Variants in AFM observed in about 807,000 individuals in gnomAD.
AFM encodes the protein afamin.
In AFM, 82 loss-of-function variants were observed where a neutral mutation model predicts 68.7. The ratio of observed to expected loss-of-function variants is 1.19; its 90% CI spans 1.00 to 1.43. AFM has a LOEUF of 1.43. Ranked by LOEUF, AFM falls within the 40% of genes most tolerant of loss-of-function variation. AFM has a pLI of 0.00. For missense variants in AFM, 772 were observed against 701.8 expected (o/e 1.10, Z -1.13); for synonymous variants, 250 against 234.2 (o/e 1.07, Z -0.61).
intron 13 of AFM, among the ~76,000 whole-genome samples, chr4:73,502,795 T>A (rs1040022193): frequency 4.6e-5 from 7 of 152,190 alleles, no homozygotes; most frequent in African/African-American, 1.7e-4. Flanking sequence ...GTAAAGGATA[T>A]TAATCAATAT....
intron 7 of AFM, among the ~76,000 whole-genome samples, chr4:73,490,490 G>T (rs536081614): frequency 6.6e-6 from 1 of 152,136 alleles, no homozygotes; most frequent in African/African-American, 2.4e-5. Context: ...AATGATCTCG[G>T]CTCACTGCAA....
chr4:73,492,792 C>CAA (rs771473722), intron 8 of AFM, among the ~76,000 whole-genome samples: 2 of 70,324 alleles, frequency 2.8e-5, no homozygotes, highest in Non-Finnish European at 6.6e-5. Context: ...GAGACTGTCT[C>CAA]AAAAAAAAAA....
chr4:73,481,832 C>T lies in AFM; in HGVS notation c.57C>T (p.Ser19=). The change falls in exon 1 of 15, where the codon TCC becomes TCT. Residue 19 remains serine (S), a synonymous_variant. Coordinates refer to ENST00000226355, the MANE Select transcript of AFM (RefSeq NM_001133.2). ...TTTTCTTGTTTTTTTTGACTGAATC[C>T]CTAACCCTGCCCACACAACCTCGGG... The part of the protein sequence containing the change: ...FIFFLFFLTE[S]LTLPTQPRDI... 6.2e-7 allele frequency: 1 copy of T among 1,608,192 alleles called. No individual in the cohort carries two copies. The highest frequency in any genetic ancestry group is 8.5e-7 in the Non-Finnish European group (1 of 1,177,236).
At chr4:73,503,233 T>A in intron 14 of AFM, 123 bp downstream of exon 14, 1 of 735,940 alleles carries the variant, frequency 1.4e-6, no homozygotes, top group East Asian at 2.7e-5. Context: ...GAAATGCACA[T>A]GTAGCTAACA....
At chr4:73,491,576 A>G (rs1721071648) in intron 7 of AFM, among the ~76,000 whole-genome samples, 1 of 152,218 alleles carries the variant, frequency 6.6e-6, no homozygotes, top group Non-Finnish European at 1.5e-5. Flanking sequence ...TATAAGATGT[A>G]AATATATCAG....
chr4:73,490,200 A>G (rs545135244), intron 7 of AFM, among the ~76,000 whole-genome samples: 42 of 151,976 alleles, frequency 2.8e-4, no homozygotes, highest in East Asian at 7.7e-4. Context: ...AAAAAAAAAA[A>G]AAAGAAAGAA....
At chr4:73,483,241 T>G (rs556886254) in intron 1 of AFM, among the ~76,000 whole-genome samples, 1 of 152,178 alleles carries the variant, frequency 6.6e-6, no homozygotes, top group African/African-American at 2.4e-5. Flanking sequence ...CCAGGATTCA[T>G]AAAGCATTCC....
intron 7 of AFM, among the ~76,000 whole-genome samples, chr4:73,489,729 G>T (rs567934751): frequency 1.8e-4 from 27 of 152,244 alleles, no homozygotes; most frequent in African/African-American, 6.3e-4. Flanking sequence ...AGTTTGAATT[G>T]TTCATGCATT....
At chr4:73,494,822 C>T (rs1721205495) in intron 8 of AFM, among the ~76,000 whole-genome samples, 2 of 152,196 alleles carry the variant, frequency 1.3e-5, no homozygotes, top group Admixed American at 6.5e-5. Context: ...AAGGCGTAAA[C>T]ACTCCCATAG....
Position 73,488,638 on chromosome 4 carries a change from C to A in AFM, c.722C>A (p.Ala241Glu), listed in dbSNP as rs754533350. ...ATCAATTCTCTTTCCAGATATATTGCGATACTCAGTCAAAAATTCCCCAAG... is the reference window on the plus strand; with the variant it reads ...ATCAATTCTCTTTCCAGATATATTGAGATACTCAGTCAAAAATTCCCCAAG... ...GTKVVHFIYI[A>E]ILSQKFPKIE... The change falls in exon 7 of 15, where the codon GCG becomes GAG. Residue 241 changes from alanine (A) to glutamate (E), a missense_variant. Transcript: ENST00000226355. The A allele has an allele frequency of 1.2e-6, 2 of 1,609,038 alleles. No homozygotes were observed. The highest frequency in any genetic ancestry group is 1.3e-5 in the African/African-American group (1 of 74,800).
At position 73,495,434 on chromosome 4, in the gene AFM, T is replaced by C; in HGVS notation, c.1191+2T>C. 1 of 1,607,568 alleles carries C rather than the reference T, an allele frequency of 6.2e-7. No individual in the cohort carries two copies. Among genetic ancestry groups the C allele is most frequent in the Non-Finnish European group, 8.5e-7 (1 of 1,178,450 alleles). ...CCTCCAGGTTGTTACCGTTACGCGGTAGGTTCCATTGTTGTAGGTTCAGAA... is the reference window on the plus strand; with the variant it reads ...CCTCCAGGTTGTTACCGTTACGCGGCAGGTTCCATTGTTGTAGGTTCAGAA... On this transcript the variant is annotated splice_donor_variant, in intron 9 of 14. Coordinates refer to ENST00000226355, the MANE Select transcript of AFM (RefSeq NM_001133.2). LOFTEE classifies it high-confidence loss of function.
chr4:73,486,902 C>G (rs1490384423), intron 4 of AFM, 65 bp from the exon 5 acceptor site: 2 of 1,514,804 alleles, frequency 1.3e-6, no homozygotes, highest in Non-Finnish European at 1.8e-6. Flanking sequence ...CTTCCCTTGT[C>G]TACATTCATT....
At chr4:73,502,223 C>T (rs1359863863) in intron 13 of AFM, among the ~76,000 whole-genome samples, 1 of 152,170 alleles carries the variant, frequency 6.6e-6, no homozygotes, top group Non-Finnish European at 1.5e-5. Context: ...CCCTGAATTA[C>T]ACCTTTGGTT....
Position 73,499,224 on chromosome 4 carries a change from A to T in AFM, c.1400A>T (p.Glu467Val). The change falls in exon 11 of 15, where the codon GAG (glutamate) becomes GTG (valine). Residue 467 changes from glutamate (E) to valine (V), a missense_variant. By Grantham distance (121) the Glu-to-Val change is moderately radical. Coordinates refer to ENST00000226355, the MANE Select transcript of AFM (RefSeq NM_001133.2). ...AFTTCCTLSE[E>V]FACVDNLADL... ...ACTACTTGCTGTACGCTAAGTGAAG[A>T]GTTTGCCTGTGTTGATAATTTGGTG... 1 of 1,610,098 alleles carries T rather than the reference A, an allele frequency of 6.2e-7. No homozygotes were observed. Among genetic ancestry groups the T allele is most frequent in the Non-Finnish European group, 8.5e-7 (1 of 1,178,080 alleles).
At chr4:73,500,343 C>A (rs1259871254) in intron 12 of AFM, 116 bp downstream of exon 12, 4 of 914,624 alleles carry the variant, frequency 4.4e-6, no homozygotes, top group Admixed American at 2.8e-5. Context: ...GTTCCTTCCA[C>A]CAAATTGTCC....
At chr4:73,490,954 C>A (rs895431528) in intron 7 of AFM, among the ~76,000 whole-genome samples, 2 of 152,192 alleles carry the variant, frequency 1.3e-5, no homozygotes, top group African/African-American at 4.8e-5. Flanking sequence ...CAGTCCTGAG[C>A]TTCATCTTAT....
Position 73,486,986 on chromosome 4 carries a change from A to G in AFM, c.502A>G (p.Arg168Gly). Residue 168 changes from arginine to glycine, a missense_variant, in exon 5 of 15, where the codon AGA becomes GGA. Coordinates refer to ENST00000226355, the MANE Select transcript of AFM (RefSeq NM_001133.2). ...TTATAGCTTTTTATATGAAGTTGCC[A>G]GAAGGAACCCATTTGTCTTCGCCCC... ...LLNHFLYEVARRNPFVFAPTL... is the reference protein window; with the variant it reads ...LLNHFLYEVAGRNPFVFAPTL... 1 of 1,613,074 alleles carries G rather than the reference A, an allele frequency of 6.2e-7. No individual in the cohort carries two copies. Among genetic ancestry groups the G allele is most frequent in the Non-Finnish European group, 8.5e-7 (1 of 1,179,630 alleles).
intron 6 of AFM, 129 bp downstream of exon 6, chr4:73,487,950 CTACT>C (rs1720953199): frequency 1.6e-6 from 1 of 612,154 alleles, no homozygotes. Context: ...GAGTCTGAGC[CTACT>C]TAGACAGCTC....
chr4:73,485,797 T>C, intron 3 of AFM, 65 bp from the exon 4 acceptor site: 1 of 1,308,808 alleles, frequency 7.6e-7, no homozygotes, highest in Admixed American at 1.8e-5. Context: ...TTGTGTTTTC[T>C]CAGTGAGTAC....
Sources: allele counts gnomAD v4.1 joint callset (sites outside exome capture counted in the v4.1 genomes callset), GRCh38; gene constraint gnomAD v4.1.1; transcripts MANE v1.5; gene names NCBI Gene and HGNC (gene_info 2026-07-23, HGNC 2026-07-21).